The following SDK1 variants were observed in gnomAD, a reference collection of about 807,000 sequenced individuals.
SDK1 encodes the protein protein sidekick-1.
SDK1 carries 157 observed loss-of-function variants against 245.5 expected under a neutral mutation model. The ratio of observed to expected loss-of-function variants is 0.64; its 90% confidence interval spans 0.56 to 0.73. The LOEUF (loss-of-function observed/expected upper bound fraction) is 0.73, where lower values mean the gene tolerates loss of function less well. Among genes scored for constraint, SDK1 ranks in the 30% least tolerant of loss-of-function variants. The pLI is 0.00. For synonymous variants in SDK1, 1,647 were observed against 1,278.5 expected (o/e 1.29, Z -6.15); for missense variants, 3,583 against 3,002.3 (o/e 1.19, Z -4.52).
intron 5 of SDK1, among the ~76,000 whole-genome samples, chr7:3,839,459 C>T (rs985346632): frequency 1.3e-5 from 2 of 152,092 alleles, no homozygotes; most frequent in Admixed American, 6.6e-5. Context: ...CACTGAGTGA[C>T]GATGGGCATA....
chr7:3,738,331 C>A (rs1474644387), intron 4 of SDK1, among the ~76,000 whole-genome samples: 2 of 152,268 alleles, frequency 1.3e-5, no homozygotes, highest in East Asian at 3.9e-4. Context: ...GGTCTTGGCA[C>A]CTTTGTCAAA....
chr7:3,343,260 G>A (rs1215129049), intron 1 of SDK1, among the ~76,000 whole-genome samples: 1 of 152,108 alleles, frequency 6.6e-6, no homozygotes, highest in African/African-American at 2.4e-5. Flanking sequence ...CCCTACACAG[G>A]AAACAGCCCA....
intron 1 of SDK1, among the ~76,000 whole-genome samples, chr7:3,320,603 T>G (rs1779778511): frequency 6.6e-6 from 1 of 152,214 alleles, no homozygotes; most frequent in South Asian, 2.1e-4. Context: ...GATGTTAGCT[T>G]ATGGTCTTTC....
intron 4 of SDK1, among the ~76,000 whole-genome samples, chr7:3,663,548 G>C (rs933515065): frequency 1.3e-5 from 2 of 152,174 alleles, no homozygotes; most frequent in African/African-American, 4.8e-5. Context: ...GGTAAGATGA[G>C]AGAGATTGCT....
At chr7:3,447,616 G>A (rs960277050) in intron 1 of SDK1, among the ~76,000 whole-genome samples, 1 of 150,762 alleles carries the variant, frequency 6.6e-6, no homozygotes, top group Admixed American at 6.6e-5. Flanking sequence ...GCATATTGAT[G>A]TACATTTGGG....
intron 1 of SDK1, among the ~76,000 whole-genome samples, chr7:3,588,562 TC>T (rs1020767755): frequency 6.6e-6 from 1 of 152,180 alleles, no homozygotes; most frequent in African/African-American, 2.4e-5. Flanking sequence ...CAGGGTGCGT[TC>T]CTAGATTCAT....
At chr7:3,568,334 ATGT>A (rs950925899) in intron 1 of SDK1, among the ~76,000 whole-genome samples, 26 of 152,264 alleles carry the variant, frequency 1.7e-4, no homozygotes, top group Admixed American at 5.9e-4. Flanking sequence ...GATGAAAATA[ATGT>A]TGTTCTTCTC....
At chr7:3,681,410 A>G (rs913451367) in intron 4 of SDK1, among the ~76,000 whole-genome samples, 1 of 152,052 alleles carries the variant, frequency 6.6e-6, no homozygotes, top group Non-Finnish European at 1.5e-5. Flanking sequence ...TGCTGCTCTG[A>G]CCTTTCCTGT....
chr7:3,507,203 A>G (rs927924351), intron 1 of SDK1, among the ~76,000 whole-genome samples: 2 of 152,188 alleles, frequency 1.3e-5, no homozygotes, highest in African/African-American at 4.8e-5. Flanking sequence ...GCATTTACCC[A>G]GCTTAGTTCT....
intron 38 of SDK1, among the ~76,000 whole-genome samples, chr7:4,216,697 G>A (rs1171769265): frequency 6.6e-6 from 1 of 152,158 alleles, no homozygotes; most frequent in Non-Finnish European, 1.5e-5. Context: ...GGGATCTGTG[G>A]GGTCTTCTGA....
At chr7:4,260,551 G>A (rs1231212119) in intron 44 of SDK1, among the ~76,000 whole-genome samples, 5 of 113,698 alleles carry the variant, frequency 4.4e-5, no homozygotes, top group East Asian at 2.9e-4. Context: ...TGTGTTCATC[G>A]TCACCTGATG....
intron 5 of SDK1, among the ~76,000 whole-genome samples, chr7:3,822,262 G>A (rs1469109285): frequency 1.3e-5 from 2 of 152,214 alleles, no homozygotes; most frequent in Admixed American, 6.5e-5. Context: ...CAGAAGGCTT[G>A]TCATCAGATG....
chr7:3,545,370 T>G (rs1438901804), intron 1 of SDK1, among the ~76,000 whole-genome samples: 1 of 152,156 alleles, frequency 6.6e-6, no homozygotes, highest in Non-Finnish European at 1.5e-5. Flanking sequence ...GCCAAGATGA[T>G]ATTGAAAATG....
chr7:3,610,618 A>G (rs1781556805), intron 1 of SDK1, among the ~76,000 whole-genome samples: 1 of 152,264 alleles, frequency 6.6e-6, no homozygotes, highest in Middle Eastern at 3.2e-3. Flanking sequence ...AAATATAGCC[A>G]TATATGTTTC....
chr7:3,721,433 A>G (rs1778794794), intron 4 of SDK1, among the ~76,000 whole-genome samples: 1 of 152,200 alleles, frequency 6.6e-6, no homozygotes, highest in Admixed American at 6.5e-5. Flanking sequence ...TCGTAAATCT[A>G]ATTATTTCAA....
chr7:3,773,119 C>G (rs1488514966), intron 4 of SDK1, among the ~76,000 whole-genome samples: 1 of 152,194 alleles, frequency 6.6e-6, no homozygotes, highest in East Asian at 1.9e-4. Context: ...CTTATTTCTT[C>G]AAGTATACTT....
intron 1 of SDK1, among the ~76,000 whole-genome samples, chr7:3,344,221 T>G (rs1206205610): frequency 6.6e-6 from 1 of 152,194 alleles, no homozygotes; most frequent in Non-Finnish European, 1.5e-5. Flanking sequence ...CCCTACATGT[T>G]CAATTTTAAA....
chr7:3,544,953 C>T (rs1779170273), intron 1 of SDK1, among the ~76,000 whole-genome samples: 1 of 152,128 alleles, frequency 6.6e-6, no homozygotes, highest in African/African-American at 2.4e-5. Context: ...CTCACGGACT[C>T]CTGAGCCTTG....
chr7:3,649,995 G>T (rs1782959420), intron 4 of SDK1, among the ~76,000 whole-genome samples: 1 of 146,270 alleles, frequency 6.8e-6, no homozygotes, highest in South Asian at 2.3e-4. Flanking sequence ...CTTTGGAAGA[G>T]GTTGCTATTT....
Sources: gnomAD v4.1 joint callset for allele counts (sites outside exome capture counted in the v4.1 genomes callset) on GRCh38, gnomAD v4.1.1 for gene constraint, MANE v1.5 for transcripts, NCBI Gene and HGNC (gene_info 2026-07-23, HGNC 2026-07-21) for gene names.